Variants in SHANK2 observed in about 807,000 individuals in gnomAD.
SHANK2 encodes SH3 and multiple ankyrin repeat domains protein 2.
A neutral mutation model predicts 133.7 loss-of-function variants in SHANK2; 43 were observed. The ratio of observed to expected loss-of-function variants is 0.32; its 90% CI spans 0.25 to 0.41. The LOEUF (loss-of-function observed/expected upper bound fraction) is 0.41. SHANK2 is among the 10% of genes least tolerant of loss of function. The pLI, the probability that SHANK2 is intolerant of heterozygous loss-of-function variation, is 1.00. For missense variants in SHANK2, 1,994 were observed against 2,235.8 expected, an observed-to-expected ratio of 0.89 and a Z score of 2.18; for synonymous variants, 1,017 against 952.8, an observed-to-expected ratio of 1.07 and a Z score of -1.24.
intron 2 of SHANK2, among the ~76,000 whole-genome samples, chr11:71,209,489 A>C (rs138794515): frequency 0.035 from 5,314 of 152,208 alleles, 116 homozygotes; most frequent in Middle Eastern, 0.037. Flanking sequence ...TCCCCTTTGC[A>C]TAGGTCGTGC....
chr11:70,640,391 G>A lies in SHANK2; in HGVS notation c.2061+19437C>T, dbSNP rs547940252. Among the ~76,000 whole-genome samples the A allele has an allele frequency of 4.5e-3, 686 of 152,262 alleles. 1 individual carries two copies. Among genetic ancestry groups the A allele is most frequent in the Non-Finnish European group, 7.8e-3 (532 of 68,010 alleles). ...TGAGCCAAGGGACGCCTGGAGACAC[G>A]GGAAGCCGGAAGAGGCTGGGAAGGA... On this transcript the variant is annotated intron_variant, in intron 17 of 25. Coordinates refer to ENST00000601538, the MANE Select transcript of SHANK2 (RefSeq NM_012309.5).
At chr11:70,710,508 C>A (rs961697333) in intron 14 of SHANK2, among the ~76,000 whole-genome samples, 3 of 152,194 alleles carry the variant, frequency 2.0e-5, no homozygotes, top group African/African-American at 7.2e-5. Flanking sequence ...TAGACCTTCG[C>A]CCCCTGGCAT....
chr11:71,073,147 C>CTTTCTTTTTTTTTTTTTTTTTTTTTTT (rs1951166746), intron 9 of SHANK2, among the ~76,000 whole-genome samples: 2 of 62,716 alleles, frequency 3.2e-5, no homozygotes, highest in African/African-American at 4.2e-5. Context: ...TTTTTCTTTT[C>CTTTCTTTTTTTTTTTTTTTTTTTTTTT]TTTTTTTTCT....
intron 24 of SHANK2, chr11:70,488,937 G>A (rs1368320039): frequency 3.6e-6 from 1 of 279,182 alleles, no homozygotes; most frequent in Non-Finnish European, 6.9e-6. Flanking sequence ...ACACAGACAC[G>A]TCAACAGGAG....
intron 9 of SHANK2, among the ~76,000 whole-genome samples, chr11:71,058,124 G>A (rs1950944181): frequency 6.6e-6 from 1 of 151,916 alleles, no homozygotes; most frequent in African/African-American, 2.4e-5. Flanking sequence ...CAAACTCCTG[G>A]GCTCAAGTGA....
chr11:70,511,560 C>T (rs1473628627), intron 17 of SHANK2, among the ~76,000 whole-genome samples: 1 of 152,182 alleles, frequency 6.6e-6, no homozygotes, highest in African/African-American at 2.4e-5. Context: ...GAAGGTATGG[C>T]TTGATCACTT....
At chr11:71,067,369 A>C (rs1951078396) in intron 9 of SHANK2, among the ~76,000 whole-genome samples, 1 of 152,196 alleles carries the variant, frequency 6.6e-6, no homozygotes, top group East Asian at 1.9e-4. Flanking sequence ...TTGATATTTA[A>C]AACTTGCTTC....
At chr11:70,925,155 C>A (rs1165016008) in intron 10 of SHANK2, among the ~76,000 whole-genome samples, 4 of 152,224 alleles carry the variant, frequency 2.6e-5, no homozygotes, top group Non-Finnish European at 4.4e-5. Context: ...CATGAATCAG[C>A]AGCCTTAAGC....
intron 11 of SHANK2, among the ~76,000 whole-genome samples, chr11:70,857,081 C>G (rs1305514089): frequency 2.0e-5 from 3 of 152,212 alleles, no homozygotes; most frequent in African/African-American, 7.2e-5. Context: ...AGGGATTAAG[C>G]AAACATTTCC....
In SHANK2 at chr11:71,173,653, G is replaced by A. The variant is rs115561223; in HGVS notation, c.-12-26315C>T. ...ACCCAAGTGCACTGGCGTGAAGAGT[G>A]TCCTCTCAAAATTCGTCTTCACCCA... On this transcript the variant is annotated intron_variant, in intron 2 of 25. Transcript: ENST00000601538. Among the ~76,000 whole-genome samples the A allele has an allele frequency of 5.8e-3, 887 of 152,360 alleles. 9 individuals carry two copies. The highest frequency in any genetic ancestry group is 0.02 in the African/African-American group (850 of 41,586).
At chr11:70,671,647 T>C (rs1317332046) in intron 15 of SHANK2, among the ~76,000 whole-genome samples, 1 of 152,260 alleles carries the variant, frequency 6.6e-6, no homozygotes, top group Non-Finnish European at 1.5e-5. Context: ...TTGGGTGTCC[T>C]TCCTTATGGA....
At chr11:70,764,435 C>CCA (rs1947073021) in intron 14 of SHANK2, among the ~76,000 whole-genome samples, 1 of 150,870 alleles carries the variant, frequency 6.6e-6, no homozygotes, top group African/African-American at 2.4e-5. Flanking sequence ...ACCCATACAT[C>CCA]CACACATGCA....
intron 10 of SHANK2, among the ~76,000 whole-genome samples, chr11:70,954,061 A>G (rs971665342): frequency 6.6e-6 from 1 of 152,260 alleles, no homozygotes; most frequent in Non-Finnish European, 1.5e-5. Context: ...CAGCAGCACA[A>G]CAGGGACATC....
chr11:70,738,463 C>T (rs1334258025), intron 14 of SHANK2, among the ~76,000 whole-genome samples: 3 of 152,222 alleles, frequency 2.0e-5, no homozygotes, highest in African/African-American at 7.2e-5. Context: ...TGAGGCTGCA[C>T]AGGAAGAGGC....
intron 6 of SHANK2, among the ~76,000 whole-genome samples, chr11:71,107,975 C>T (rs1352593300): frequency 1.3e-5 from 2 of 152,144 alleles, no homozygotes; most frequent in Middle Eastern, 3.2e-3. Context: ...CCCAGTCCCC[C>T]GCAGCAGCAT....
Position 70,473,358 on chromosome 11 carries a change from G to A in SHANK2, c.5061C>T (p.Pro1687=). The A allele has an allele frequency of 1.2e-6, 2 of 1,612,908 alleles. No homozygotes were observed. The highest frequency in any genetic ancestry group is 1.7e-6 in the Non-Finnish European group (2 of 1,180,026). The part of the protein sequence containing the change: ...TFTVRPGTSQ[P]ITLQSRPPDY... ...CGGGGGGCCGGCTCTGCAGGGTGAT[G>A]GGCTGGGAGGTGCCGGGGCGAACAG... Residue 1687 remains proline (P), a synonymous_variant, in exon 26 of 26, where the codon CCC becomes CCT. Coordinates refer to ENST00000601538, the MANE Select transcript of SHANK2 (RefSeq NM_012309.5). The surrounding 1 kb of genome is among the most constrained non-coding windows in gnomAD (Gnocchi z 5.9).
intron 17 of SHANK2, among the ~76,000 whole-genome samples, chr11:70,619,834 G>A (rs1347221078): frequency 3.9e-5 from 6 of 152,220 alleles, no homozygotes; most frequent in African/African-American, 1.4e-4. Flanking sequence ...GCCCTTGGAT[G>A]CTGGAGGGTG....
chr11:70,791,893 C>T (rs568869766), intron 14 of SHANK2, among the ~76,000 whole-genome samples: 2 of 152,312 alleles, frequency 1.3e-5, no homozygotes, highest in African/African-American at 4.8e-5. Context: ...CTACTTATTC[C>T]AGAAGGTTGG....
intron 17 of SHANK2, chr11:70,646,133 C>CA (rs1241553110): frequency 6.6e-6 from 1 of 152,276 alleles, no homozygotes; most frequent in Non-Finnish European, 1.5e-5. Context: ...CCTGTGGCGG[C>CA]AAGGGCAGCG....
Sources: gnomAD v4.1 joint callset for allele counts (sites outside exome capture counted in the v4.1 genomes callset) on GRCh38, gnomAD v4.1.1 for gene constraint, Gnocchi (gnomAD v3.1) non-coding constraint, MANE v1.5 for transcripts, NCBI Gene and HGNC (gene_info 2026-07-23, HGNC 2026-07-21) for gene names.